Variants in PRICKLE2 observed in about 807,000 individuals in gnomAD.
PRICKLE2 encodes the protein prickle-like protein 2.
In PRICKLE2, 21 loss-of-function variants were observed where a neutral mutation model predicts 81.4. The observed-to-expected ratio is 0.26, with a 90% confidence interval of 0.18 to 0.37. The LOEUF is 0.37. PRICKLE2 is among the 10% of genes least tolerant of loss of function. PRICKLE2 has a pLI of 1.00. For missense variants in PRICKLE2, 940 were observed against 1,109.0 expected (o/e 0.85, Z 2.16); for synonymous variants, 456 against 421.5 (o/e 1.08, Z -1.00).
intron 7 of PRICKLE2, among the ~76,000 whole-genome samples, chr3:64,134,530 A>G (rs904964590): frequency 3.9e-5 from 6 of 152,100 alleles, no homozygotes; most frequent in African/African-American, 1.2e-4. Context: ...TGTGCACTGT[A>G]GGAGGTTTAG....
At chr3:64,257,553 T>A (rs538180599) in intron 2 of PRICKLE2, among the ~76,000 whole-genome samples, 21 of 152,112 alleles carry the variant, frequency 1.4e-4, no homozygotes, top group Non-Finnish European at 2.6e-4. Flanking sequence ...TGCAGAAAGG[T>A]GGAGTTGTGT....
chr3:64,207,139 A>G (rs1057137656), intron 1 of PRICKLE2, among the ~76,000 whole-genome samples: 4 of 152,172 alleles, frequency 2.6e-5, no homozygotes, highest in Admixed American at 2.6e-4. Flanking sequence ...GGCTCAAGCA[A>G]TCCTCCTGAC....
At chr3:64,161,820 T>C (rs544603038) in intron 3 of PRICKLE2, among the ~76,000 whole-genome samples, 34 of 151,828 alleles carry the variant, frequency 2.2e-4, no homozygotes, top group African/African-American at 8.2e-4. Context: ...TTTAGGGACA[T>C]GCTTTCAAAG....
chr3:64,154,992 T>A (rs1238478587), intron 5 of PRICKLE2: 1 of 151,414 alleles, frequency 6.6e-6, no homozygotes, highest in Non-Finnish European at 1.5e-5. Flanking sequence ...CTACTAAAAA[T>A]ACAAAAATCA....
At position 64,220,158 on chromosome 3, in the gene PRICKLE2, T is replaced by C. The variant is rs865940467; in HGVS notation, c.-41+4752A>G. Among the ~76,000 whole-genome samples, 12 of 152,344 alleles carry C rather than the reference T, an allele frequency of 7.9e-5. No homozygotes were observed. The East Asian group carries it at 1.9e-3, about 24-fold the overall frequency. ...AAATAGGCTGTTTCTTAGTTAAGTC[T>C]TGGAACTTTCATGAGCAGGCATCTC... On this transcript the variant is annotated intron_variant, in intron 1 of 7. Transcript: ENST00000638394.
At chr3:64,171,980 CTAAGCCGGTACCA>C (rs1313839055) in intron 2 of PRICKLE2, among the ~76,000 whole-genome samples, 1 of 152,198 alleles carries the variant, frequency 6.6e-6, no homozygotes, top group Non-Finnish European at 1.5e-5. Context: ...ATGTTATGCC[CTAAGCCGGTACCA>C]TAATTCAGAA....
At chr3:64,183,425 C>T (rs1477350103) in intron 2 of PRICKLE2, among the ~76,000 whole-genome samples, 1 of 151,932 alleles carries the variant, frequency 6.6e-6, no homozygotes, top group Non-Finnish European at 1.5e-5. Context: ...AATAATCTAT[C>T]AAAACTATAG....
intron 7 of PRICKLE2, among the ~76,000 whole-genome samples, chr3:64,122,123 G>C (rs2077037410): frequency 1.3e-5 from 2 of 152,156 alleles, no homozygotes; most frequent in South Asian, 4.1e-4. Flanking sequence ...GAAGAGTTAT[G>C]GAATGCTGCC....
chr3:64,265,962 A>C (rs1388780053), intron 2 of PRICKLE2, among the ~76,000 whole-genome samples: 1 of 152,192 alleles, frequency 6.6e-6, no homozygotes, highest in Non-Finnish European at 1.5e-5. Flanking sequence ...GAGTTATTTC[A>C]GTTTCTTAAA....
At position 64,098,649 on chromosome 3, in the gene PRICKLE2, T is replaced by A. The variant is rs1205923686; in HGVS notation, c.*402A>T. Reference sequence around the variant, plus strand: ...ATTTACATTGCATTTACAATGGACATGTAAATAACTTAGTCTTGGGTCCTG... The same window carrying A: ...ATTTACATTGCATTTACAATGGACAAGTAAATAACTTAGTCTTGGGTCCTG... On this transcript the variant is annotated 3_prime_UTR_variant, in exon 8 of 8. Coordinates refer to ENST00000638394, the MANE Select transcript of PRICKLE2 (RefSeq NM_198859.4). The A allele has an allele frequency of 9.1e-6, 2 of 218,860 alleles. No homozygotes were observed. Among genetic ancestry groups the A allele is most frequent in the African/African-American group, 4.6e-5 (2 of 43,578 alleles). 13.6% of individuals were successfully genotyped at this position (218,860 alleles called of 1,614,324 possible). A position where few individuals can be genotyped will look rare whatever the true frequency, so the allele number is the denominator to read the frequency against.
At position 64,095,285 on chromosome 3, in the gene PRICKLE2, C is replaced by A. The variant is rs750786350; in HGVS notation, c.*3766G>T. ...GGAGGGGCAGGTGAATTGGAGTCTC[C>A]GAATTACTTATACATATTGGTTCCT... On this transcript the variant is annotated 3_prime_UTR_variant, in exon 8 of 8. Transcript: ENST00000638394. The A allele has an allele frequency of 6.6e-6, 1 of 152,034 alleles. No individual in the cohort carries two copies. Among genetic ancestry groups the A allele is most frequent in the Non-Finnish European group, 1.5e-5 (1 of 67,994 alleles). 9.4% of individuals were successfully genotyped at this position (152,034 alleles called of 1,614,324 possible).
At chr3:64,255,135 G>A (rs2079507541) in intron 2 of PRICKLE2, among the ~76,000 whole-genome samples, 1 of 152,174 alleles carries the variant, frequency 6.6e-6, no homozygotes, top group South Asian at 2.1e-4. Context: ...ATAGTAGTGA[G>A]TAGGGTCACT....
intron 7 of PRICKLE2, among the ~76,000 whole-genome samples, chr3:64,111,794 G>A (rs2076851213): frequency 6.6e-6 from 1 of 152,156 alleles, no homozygotes. Flanking sequence ...GGGCATGAGG[G>A]AGCTTCTAGG....
chr3:64,146,850 A>G lies in PRICKLE2; in HGVS notation c.1640T>C (p.Leu547Pro). Reference sequence around the variant, plus strand: ...CCTACCTGTTGCATTAGACAGGGCCAGGGATTCCATGGAGCCCCGAGGGGT... The same window carrying G: ...CCTACCTGTTGCATTAGACAGGGCCGGGGATTCCATGGAGCCCCGAGGGGT... The part of the protein sequence containing the change: ...EQTPRGSMES[L>P]ALSNATGLSA... The change falls in exon 7 of 8, where the codon CTG becomes CCG. Residue 547 changes from leucine to proline, a missense_variant. Physicochemically the swap from Leu to Pro is moderately conservative, Grantham distance 98 (BLOSUM62 -3). Transcript: ENST00000638394. 6.2e-7 allele frequency: 1 copy of G among 1,614,082 alleles called. No homozygotes were observed. The highest frequency in any genetic ancestry group is 8.5e-7 in the Non-Finnish European group (1 of 1,180,018).
chr3:64,266,096 C>T (rs1314172278), intron 2 of PRICKLE2, among the ~76,000 whole-genome samples: 2 of 152,076 alleles, frequency 1.3e-5, no homozygotes, highest in Non-Finnish European at 2.9e-5. Flanking sequence ...TTGTATTACA[C>T]CCAAAGCTGT....
chr3:64,265,341 T>A (rs2079684337), intron 2 of PRICKLE2, among the ~76,000 whole-genome samples: 2 of 152,168 alleles, frequency 1.3e-5, no homozygotes, highest in African/African-American at 4.8e-5. Context: ...TCAACTAGGA[T>A]TACCATTCTG....
intron 2 of PRICKLE2, among the ~76,000 whole-genome samples, chr3:64,165,779 G>A (rs965264352): frequency 6.6e-6 from 1 of 152,186 alleles, no homozygotes; most frequent in African/African-American, 2.4e-5. Flanking sequence ...AAAGTGCTGG[G>A]ATTACGGGTG....
chr3:64,100,740 G>A (rs1430334744), intron 7 of PRICKLE2: 2 of 152,214 alleles, frequency 1.3e-5, no homozygotes, highest in South Asian at 2.1e-4. Context: ...GCATCCCTGA[G>A]ATGAAAACCA....
At chr3:64,128,116 GC>G (rs2077138940) in intron 7 of PRICKLE2, among the ~76,000 whole-genome samples, 1 of 152,102 alleles carries the variant, frequency 6.6e-6, no homozygotes, top group African/African-American at 2.4e-5. Flanking sequence ...AGAGGAGGTA[GC>G]GTTGGGGGCG....
Sources: allele counts gnomAD v4.1 joint callset (sites outside exome capture counted in the v4.1 genomes callset), GRCh38; gene constraint gnomAD v4.1.1; transcripts MANE v1.5; gene names NCBI Gene and HGNC (gene_info 2026-07-23, HGNC 2026-07-21).